LRRCC1: variants seen among roughly 807,000 people sequenced by gnomAD.
The protein encoded by LRRCC1 is leucine rich repeat and coiled-coil centrosomal protein 1.
In LRRCC1, 115 loss-of-function variants were observed where a neutral mutation model predicts 126.0. The observed-to-expected ratio is 0.91, with a 90% CI of 0.78 to 1.07. The LOEUF (loss-of-function observed/expected upper bound fraction) is 1.07, where lower values mean the gene tolerates loss of function less well. LRRCC1 is among the 50% of genes least tolerant of loss of function. LRRCC1 has a pLI of 0.00. For synonymous variants in LRRCC1, 400 were observed against 393.4 expected (o/e 1.02, Z -0.20); for missense variants, 1,172 against 1,175.7 (o/e 1.00, Z 0.05).
intron 11 of LRRCC1, among the ~76,000 whole-genome samples, chr8:85,131,111 A>C (rs1207863109): frequency 6.6e-6 from 1 of 152,202 alleles, no homozygotes; most frequent in Non-Finnish European, 1.5e-5. Flanking sequence ...CTCTGGGGAA[A>C]ATTGTTATCT....
At chr8:85,143,796 G>A (rs34527380) in intron 18 of LRRCC1, among the ~76,000 whole-genome samples, 66,208 of 152,074 alleles carry the variant, frequency 0.44, 17,681 homozygotes, top group Non-Finnish European at 0.57. Flanking sequence ...AAACACTTAA[G>A]GGAAGTGTTT....
At position 85,134,926 on chromosome 8, in the gene LRRCC1, A is replaced by G; in HGVS notation, c.2048A>G (p.Asn683Ser). ...CTTATTTGGGCTCAACGAAAAGAAA[A>G]TGAGTCTTCCTCTTTAATTAAAGAT... The part of the protein sequence containing the change: ...HALIWAQRKE[N>S]ESSSLIKDLT... The change falls in exon 13 of 19, where the codon AAT becomes AGT. Residue 683 changes from asparagine (N) to serine (S), a missense_variant. Transcript: ENST00000360375. 2 of 1,597,200 alleles carry G rather than the reference A, an allele frequency of 1.3e-6. No homozygotes were observed. The highest frequency in any genetic ancestry group is 1.7e-6 in the Non-Finnish European group (2 of 1,176,628).
At chr8:85,130,566 A>G (rs1810392505) in intron 11 of LRRCC1, among the ~76,000 whole-genome samples, 2 of 152,200 alleles carry the variant, frequency 1.3e-5, no homozygotes, top group South Asian at 4.1e-4. Context: ...ACTAGTAGCT[A>G]AAAAATGAAT....
chr8:85,120,579 G>A (rs778482388), intron 6 of LRRCC1, among the ~76,000 whole-genome samples: 7 of 152,076 alleles, frequency 4.6e-5, no homozygotes, highest in Non-Finnish European at 8.8e-5. Context: ...GCAATTCAGT[G>A]GTACCTATTA....
chr8:85,124,858 T>C lies in LRRCC1; in HGVS notation c.1191T>C (p.Cys397=). The C allele has an allele frequency of 6.2e-7, 1 of 1,604,208 alleles. No individual in the cohort carries two copies. The stretch of plus-strand genomic sequence containing the variant: ...ATGTAAGCTCATCTTTAGCAAACTG[T>C]CCTATGTTACAAGAATCAGAAAAGC... ...ELYVSSSLAN[C]PMLQESEKPK... is the part of the protein sequence containing the mutation. The change falls in exon 8 of 19, where the codon TGT becomes TGC. Residue 397 remains cysteine, a synonymous_variant. Coordinates refer to ENST00000360375, the MANE Select transcript of LRRCC1 (RefSeq NM_033402.5).
At chr8:85,110,040 T>G in intron 2 of LRRCC1, 75 bp from the exon 3 acceptor site, 1 of 684,258 alleles carries the variant, frequency 1.5e-6, no homozygotes, top group South Asian at 2.0e-5. Context: ...TGAAATAACA[T>G]TGTAATGCTA....
Position 85,137,521 on chromosome 8 carries a change from G to C in LRRCC1, c.2387G>C (p.Arg796Thr), listed in dbSNP as rs924526606. Reference protein sequence around the residue: ...KLEAQIESLSRENECLRKTNE... With the variant: ...KLEAQIESLSTENECLRKTNE... ...GAGGCTCAAATTGAGAGTTTATCTA[G>C]AGAGAATGAATGTCTGCGAAAGACA... Residue 796 changes from arginine (R) to threonine (T), a missense_variant, in exon 15 of 19, where the codon AGA becomes ACA. Coordinates refer to ENST00000360375, the MANE Select transcript of LRRCC1 (RefSeq NM_033402.5). The C allele has an allele frequency of 7.6e-6, 12 of 1,572,350 alleles. No individual in the cohort carries two copies. Among genetic ancestry groups the C allele is most frequent in the Non-Finnish European group, 1.0e-5 (12 of 1,164,650 alleles).
rs1811236779 is a variant in LRRCC1, at chr8:85,141,363, A to T, written c.2841-19A>T. ...ACCACATATACACATATATATGTGG[A>T]TGTTCTTGTTTTTTTAAGGAATGCA... On this transcript the variant is annotated intron_variant, in intron 17 of 18. Transcript: ENST00000360375. 1.2e-6 allele frequency: 2 copies of T among 1,602,134 alleles called. No homozygotes were observed. The highest frequency in any genetic ancestry group is 8.5e-7 in the Non-Finnish European group (1 of 1,170,960).
chr8:85,119,661 T>C (rs1809382524), intron 6 of LRRCC1, among the ~76,000 whole-genome samples: 1 of 152,038 alleles, frequency 6.6e-6, no homozygotes, highest in Admixed American at 6.6e-5. Flanking sequence ...ACCCGGCTAA[T>C]TTTTGTAATT....
chr8:85,132,029 GT>G, intron 12 of LRRCC1, 68 bp downstream of exon 12: 1 of 1,314,084 alleles, frequency 7.6e-7, no homozygotes, highest in Non-Finnish European at 1.1e-6. Context: ...GAGAGGACTT[GT>G]TTTAGAAACA....
chr8:85,133,340 C>G (rs940663844), intron 12 of LRRCC1, among the ~76,000 whole-genome samples: 2 of 152,148 alleles, frequency 1.3e-5, no homozygotes, highest in Non-Finnish European at 2.9e-5. Flanking sequence ...TTTTCAGTCT[C>G]TTTGTTTCTC....
At chr8:85,115,699 C>T (rs553825583) in intron 6 of LRRCC1, 115 bp downstream of exon 6, 58 of 692,868 alleles carry the variant, frequency 8.4e-5, no homozygotes, top group African/African-American at 6.8e-4. Context: ...CATCAGTGTT[C>T]GTGTATTTTT....
chr8:85,142,953 A>G (rs1487310129), intron 18 of LRRCC1, among the ~76,000 whole-genome samples: 4 of 152,224 alleles, frequency 2.6e-5, no homozygotes, highest in Non-Finnish European at 4.4e-5. Flanking sequence ...AATAATCACA[A>G]TGAGTAAGAA....
chr8:85,136,617 A>G (rs964341535), intron 14 of LRRCC1, among the ~76,000 whole-genome samples: 4 of 152,152 alleles, frequency 2.6e-5, no homozygotes, highest in Non-Finnish European at 5.9e-5. Context: ...TTTGTACAGT[A>G]TACACATTTA....
chr8:85,144,469 T>TATATAC (rs1811514687), intron 18 of LRRCC1, among the ~76,000 whole-genome samples: 1 of 19,894 alleles, frequency 5.0e-5, no homozygotes, highest in South Asian at 1.3e-3. Context: ...TATATATATA[T>TATATAC]ATATATTTTT....
intron 6 of LRRCC1, among the ~76,000 whole-genome samples, chr8:85,120,171 T>C (rs1218281072): frequency 1.3e-5 from 2 of 152,206 alleles, no homozygotes; most frequent in Non-Finnish European, 2.9e-5. Context: ...TAGGTGGATA[T>C]TCATTGTGCT....
chr8:85,112,905 AT>A lies in LRRCC1; in HGVS notation c.377-24del, dbSNP rs1808831361. 3.3e-6 allele frequency: 5 copies of A among 1,508,958 alleles called. No individual in the cohort carries two copies. The East Asian group carries it at 1.2e-4, about 35-fold the overall frequency. The allele number at this position is 1,508,958 out of a possible 1,614,324, so 93.5% of individuals were successfully genotyped here. A position where few individuals can be genotyped will look rare whatever the true frequency, so the allele number is the denominator to read the frequency against. The stretch of plus-strand genomic sequence containing the variant: ...CTATTGGAAAGACTATTGCTGTGGC[AT>A]TTAAAGAATTATGTTCCTATTGCAG... On this transcript the variant is annotated intron_variant, in intron 3 of 18. Transcript: ENST00000360375.
Position 85,126,697 on chromosome 8 carries a change from T to G in LRRCC1, c.1281T>G (p.Val427=). 3 of 1,610,426 alleles carry G rather than the reference T, an allele frequency of 1.9e-6. No homozygotes were observed. The highest frequency in any genetic ancestry group is 2.5e-6 in the Non-Finnish European group (3 of 1,179,372). ...HSEDNTYQSL[V]EQLDQEREKR... ...TTGTTGTTTTCTTTCAGTCCCTTGTTGAACAGCTAGACCAAGAGAGAGAGA... is the reference window on the plus strand; with the variant it reads ...TTGTTGTTTTCTTTCAGTCCCTTGTGGAACAGCTAGACCAAGAGAGAGAGA... The change falls in exon 9 of 19, where the codon GTT becomes GTG. Residue 427 remains valine, a synonymous_variant. Coordinates refer to ENST00000360375, the MANE Select transcript of LRRCC1 (RefSeq NM_033402.5).
At chr8:85,143,223 A>T (rs1489392723) in intron 18 of LRRCC1, among the ~76,000 whole-genome samples, 1 of 152,124 alleles carries the variant, frequency 6.6e-6, no homozygotes, top group Non-Finnish European at 1.5e-5. Flanking sequence ...TGGGAGGCTA[A>T]GGCAGGAGAA....
Sources: gnomAD v4.1 joint callset for allele counts (sites outside exome capture counted in the v4.1 genomes callset) on GRCh38, gnomAD v4.1.1 for gene constraint, MANE v1.5 for transcripts, NCBI Gene and HGNC (gene_info 2026-07-23, HGNC 2026-07-21) for gene names.